The following ZNF44 variants were observed in gnomAD, a reference collection of about 807,000 sequenced individuals.
ZNF44 encodes the protein zinc finger protein 44, also known as gonadotropin inducible transcription repressor-2.
In ZNF44, 9 loss-of-function variants were observed where a neutral mutation model predicts 11.7. The ratio of observed to expected loss-of-function variants is 0.77; its 90% CI spans 0.46 to 1.35. The LOEUF is 1.35. Ranked by LOEUF, ZNF44 falls within the 40% of genes most tolerant of loss-of-function variation. The pLI, the probability that ZNF44 is intolerant of heterozygous loss-of-function variation, is 0.00. For synonymous variants in ZNF44, 224 were observed against 242.7 expected (o/e 0.92, Z 0.72); for missense variants, 696 against 743.1 (o/e 0.94, Z 0.74).
chr19:12,255,608 A>T (rs530791001), intron 5 of ZNF44, among the ~76,000 whole-genome samples: 37 of 152,316 alleles, frequency 2.4e-4, no homozygotes, highest in African/African-American at 8.7e-4. Context: ...TAAGATGAAG[A>T]ACAAGGCAAG....
intron 5 of ZNF44, among the ~76,000 whole-genome samples, chr19:12,261,497 T>C (rs1917508137): frequency 1.3e-5 from 2 of 152,178 alleles, no homozygotes; most frequent in African/African-American, 4.8e-5. Flanking sequence ...CTGGGTGTGC[T>C]GGCATGTGAC....
At chr19:12,225,731 T>TAATA (rs371491488), downstream of ZNF44, among the ~76,000 whole-genome samples, 1 of 152,336 alleles carries the variant, frequency 6.6e-6, no homozygotes, top group African/African-American at 2.4e-5. Context: ...TAAAAAGTTT[T>TAATA]AATATTTGGC....
chr19:12,250,757 G>T (rs963212268), intron 5 of ZNF44: 5 of 456,130 alleles, frequency 1.1e-5, no homozygotes, highest in Admixed American at 2.3e-5. Context: ...ATACGTGGAT[G>T]AATAAAAGCA....
At chr19:12,287,070 A>G (rs1428440865) in intron 1 of ZNF44, among the ~76,000 whole-genome samples, 1 of 150,786 alleles carries the variant, frequency 6.6e-6, no homozygotes, top group African/African-American at 2.4e-5. Flanking sequence ...ATATATACAC[A>G]TATATGTATA....
chr19:12,247,483 A>G, downstream of ZNF44: 1 of 1,341,118 alleles, frequency 7.5e-7, no homozygotes, highest in Non-Finnish European at 9.9e-7. Context: ...ATATGAATAT[A>G]ACTGGAACTA....
In ZNF44 at chr19:12,273,472, G is replaced by C; in HGVS notation, c.783C>G (p.Ala261=). The change falls in exon 4 of 4, where the codon GCC becomes GCG. Residue 261 remains alanine (A), a synonymous_variant. Coordinates refer to ENST00000355684, the MANE Select transcript of ZNF44 (RefSeq NM_016264.4). ...TTAGATATGAACTGTAATCAGGGAA[G>C]GCTTTAGAACACTGCTTACATTCAT... The part of the protein sequence containing the change: ...KPYECKQCSK[A]FPDYSSYLRH... 1 of 1,614,058 alleles carries C rather than the reference G, an allele frequency of 6.2e-7. No individual in the cohort carries two copies. Among genetic ancestry groups the C allele is most frequent in the Non-Finnish European group, 8.5e-7 (1 of 1,180,012 alleles).
At chr19:12,236,848 T>C (rs1916408534) in intron 1 of ZNF44, among the ~76,000 whole-genome samples, 1 of 152,232 alleles carries the variant, frequency 6.6e-6, no homozygotes, top group South Asian at 2.1e-4. Context: ...ATTCCCAGGC[T>C]ATTGTCCTTA....
chr19:12,232,319 C>G (rs1300434166), intron 2 of ZNF44, among the ~76,000 whole-genome samples: 1 of 152,168 alleles, frequency 6.6e-6, no homozygotes, highest in African/African-American at 2.4e-5. Flanking sequence ...CTTGTCTCAA[C>G]TGCAAGAGGC....
At chr19:12,265,930 G>A (rs56264987) in intron 5 of ZNF44, among the ~76,000 whole-genome samples, 8,168 of 152,248 alleles carry the variant, frequency 0.054, 366 homozygotes, top group Admixed American at 0.14. Context: ...CCTGGTGCAC[G>A]TCGTTTCGCT....
intron 1 of ZNF44, chr19:12,293,470 G>A: frequency 2.3e-6 from 3 of 1,288,206 alleles, no homozygotes; most frequent in Non-Finnish European, 1.0e-6. Context: ...GAGGCACAAA[G>A]GTTTGGTTTT....
upstream of ZNF44, among the ~76,000 whole-genome samples, chr19:12,238,865 C>A (rs1303616578): frequency 6.6e-6 from 1 of 152,140 alleles, no homozygotes; most frequent in African/African-American, 2.4e-5. Context: ...GGAAAAGCCG[C>A]ATTCAGAAAA....
chr19:12,286,200 C>T (rs1397704279), intron 1 of ZNF44, among the ~76,000 whole-genome samples: 1 of 152,146 alleles, frequency 6.6e-6, no homozygotes, highest in African/African-American at 2.4e-5. Flanking sequence ...GTCTCTGAAT[C>T]AAATCAATAT....
At chr19:12,230,023 T>C (rs1916092664) in intron 3 of ZNF44, among the ~76,000 whole-genome samples, 1 of 152,150 alleles carries the variant, frequency 6.6e-6, no homozygotes, top group Non-Finnish European at 1.5e-5. Flanking sequence ...CTCTTGCCAT[T>C]TGCTGTTCTT....
downstream of ZNF44, among the ~76,000 whole-genome samples, chr19:12,246,077 G>A (rs1371015758): frequency 6.6e-6 from 1 of 152,160 alleles, no homozygotes; most frequent in Non-Finnish European, 1.5e-5. Flanking sequence ...CTGTCTCCAC[G>A]CAGATGGGTC....
At chr19:12,252,061 A>AC (rs1321699219) in intron 5 of ZNF44, among the ~76,000 whole-genome samples, 6 of 152,098 alleles carry the variant, frequency 3.9e-5, no homozygotes, top group African/African-American at 1.4e-4. Flanking sequence ...CAAAAAAAAA[A>AC]AAAAACAGAT....
downstream of ZNF44, among the ~76,000 whole-genome samples, chr19:12,267,062 CAG>C (rs970669844): frequency 7.7e-5 from 9 of 117,258 alleles, no homozygotes; most frequent in South Asian, 2.6e-4. Flanking sequence ...TTTTTTGAGA[CAG>C]AGTCTTGCTC....
downstream of ZNF44, among the ~76,000 whole-genome samples, chr19:12,267,386 G>A (rs935087476): frequency 5.9e-5 from 9 of 152,028 alleles, no homozygotes; most frequent in Non-Finnish European, 5.9e-5. Flanking sequence ...ACACCAACAA[G>A]GGAATACAGT....
chr19:12,293,360 T>G (rs1599555357), intron 1 of ZNF44: 1 of 1,536,658 alleles, frequency 6.5e-7, no homozygotes, highest in Non-Finnish European at 8.7e-7. Flanking sequence ...CCCCAGAAAG[T>G]TCCATAACAC....
chr19:12,263,333 G>A (rs2438536), intron 5 of ZNF44, among the ~76,000 whole-genome samples: 31,031 of 151,802 alleles, frequency 0.2, 4,093 homozygotes, highest in African/African-American at 0.38. Flanking sequence ...TGATCCGCCC[G>A]CCTCAGCCTC....
Sources: allele counts gnomAD v4.1 joint callset (sites outside exome capture counted in the v4.1 genomes callset), GRCh38; gene constraint gnomAD v4.1.1; transcripts MANE v1.5; gene names NCBI Gene and HGNC (gene_info 2026-07-23, HGNC 2026-07-21).